B3GALT1: variants seen among roughly 807,000 people sequenced by gnomAD.
B3GALT1 encodes the protein UDP-Gal:betaGlcNAc beta 1,3-galactosyltransferase, polypeptide 1.
A neutral mutation model predicts 23.2 loss-of-function variants in B3GALT1; 10 were observed. The ratio of observed to expected loss-of-function variants is 0.43; its 90% confidence interval spans 0.27 to 0.73. The LOEUF (loss-of-function observed/expected upper bound fraction) is 0.73, where lower values mean the gene tolerates loss of function less well. Ranked by LOEUF, B3GALT1 falls within the 30% of genes least tolerant of loss-of-function variation. The pLI is 0.21. For missense variants in B3GALT1, 299 were observed against 405.4 expected, an observed-to-expected ratio of 0.74 and a Z score of 2.25; for synonymous variants, 156 against 141.5, an observed-to-expected ratio of 1.10 and a Z score of -0.73.
intron 3 of B3GALT1, among the ~76,000 whole-genome samples, chr2:167,750,546 G>T (rs1687718680): frequency 6.6e-6 from 1 of 151,964 alleles, no homozygotes; most frequent in Non-Finnish European, 1.5e-5. Flanking sequence ...TTGAAAATGG[G>T]TTTCATCCTT....
At chr2:167,644,803 A>T (rs1215325766) in intron 2 of B3GALT1, among the ~76,000 whole-genome samples, 1 of 145,262 alleles carries the variant, frequency 6.9e-6, no homozygotes, top group Non-Finnish European at 1.5e-5. Flanking sequence ...AAAAAAAAAA[A>T]AGAATTTACT....
At chr2:167,668,904 G>A (rs557732403) in intron 3 of B3GALT1, among the ~76,000 whole-genome samples, 12 of 152,290 alleles carry the variant, frequency 7.9e-5, no homozygotes, top group South Asian at 2.1e-4. Context: ...GAGATCACCC[G>A]TCTTCTGCGT....
chr2:167,820,913 G>T (rs1357855266), intron 4 of B3GALT1, among the ~76,000 whole-genome samples: 1 of 152,212 alleles, frequency 6.6e-6, no homozygotes. Context: ...CTTTAAGACA[G>T]ATTAAGTAGC....
intron 2 of B3GALT1, among the ~76,000 whole-genome samples, chr2:167,517,612 C>T (rs1258384236): frequency 1.3e-5 from 2 of 151,994 alleles, no homozygotes; most frequent in Non-Finnish European, 2.9e-5. Context: ...CCAGAAACAA[C>T]CCATGAATTG....
chr2:167,742,240 A>T (rs1186577688), intron 3 of B3GALT1, among the ~76,000 whole-genome samples: 1 of 152,178 alleles, frequency 6.6e-6, no homozygotes, highest in Non-Finnish European at 1.5e-5. Context: ...TTGTAGTATG[A>T]GAGACAGTTG....
At chr2:167,682,042 C>T (rs1686539366) in intron 3 of B3GALT1, among the ~76,000 whole-genome samples, 1 of 152,060 alleles carries the variant, frequency 6.6e-6, no homozygotes, top group African/African-American at 2.4e-5. Context: ...TTGCTCCTTG[C>T]CTTTCCCACC....
chr2:167,703,499 A>AGTT (rs140217835), intron 3 of B3GALT1, among the ~76,000 whole-genome samples: 1 of 73,414 alleles, frequency 1.4e-5, no homozygotes, highest in Non-Finnish European at 2.7e-5. Context: ...GAAGGATTAA[A>AGTT]ATTAAGGTTA....
chr2:167,462,051 C>T (rs923327807), intron 1 of B3GALT1, among the ~76,000 whole-genome samples: 5 of 152,042 alleles, frequency 3.3e-5, no homozygotes, highest in African/African-American at 7.2e-5. Context: ...GTGTCATCAC[C>T]GAAGGAGAAT....
At chr2:167,573,397 A>G (rs115219356) in intron 2 of B3GALT1, among the ~76,000 whole-genome samples, 128 of 151,896 alleles carry the variant, frequency 8.4e-4, no homozygotes, top group Admixed American at 1.4e-3. Context: ...AATGTGATTA[A>G]TTGCCACTCA....
chr2:167,356,441 A>G (rs1405819179), intron 1 of B3GALT1, among the ~76,000 whole-genome samples: 1 of 152,132 alleles, frequency 6.6e-6, no homozygotes, highest in Non-Finnish European at 1.5e-5. Context: ...TAGTAGACAA[A>G]AGTGTATAAA....
intron 2 of B3GALT1, among the ~76,000 whole-genome samples, chr2:167,578,679 T>C (rs778995409): frequency 6.9e-4 from 105 of 152,046 alleles, no homozygotes; most frequent in Non-Finnish European, 8.7e-4. Flanking sequence ...TGTCTTAAAA[T>C]CATAACAGAT....
intron 1 of B3GALT1, among the ~76,000 whole-genome samples, chr2:167,471,129 AAGG>A (rs1418007074): frequency 6.6e-6 from 1 of 152,208 alleles, no homozygotes; most frequent in African/African-American, 2.4e-5. Context: ...TCAACAAAAT[AAGG>A]AGACCTTTTC....
At chr2:167,814,212 T>C (rs2105356151) in intron 3 of B3GALT1, among the ~76,000 whole-genome samples, 1 of 152,354 alleles carries the variant, frequency 6.6e-6, no homozygotes, top group African/African-American at 2.4e-5. Flanking sequence ...ACTTCTTTGA[T>C]AACTCTGTCA....
intron 1 of B3GALT1, among the ~76,000 whole-genome samples, chr2:167,465,558 G>T (rs1427910973): frequency 2.6e-5 from 4 of 152,140 alleles, no homozygotes; most frequent in South Asian, 4.2e-4. Flanking sequence ...TGTTAATAAG[G>T]TTATAATTTC....
intron 4 of B3GALT1, among the ~76,000 whole-genome samples, chr2:167,836,739 G>A (rs867936886): frequency 2.0e-5 from 3 of 152,178 alleles, no homozygotes; most frequent in Non-Finnish European, 2.9e-5. Context: ...ATTCACCAGA[G>A]TTGAAATGAA....
chr2:167,482,655 C>T (rs987778118), intron 1 of B3GALT1, among the ~76,000 whole-genome samples: 1 of 152,174 alleles, frequency 6.6e-6, no homozygotes, highest in Non-Finnish European at 1.5e-5. Context: ...ACCTGACCAA[C>T]ACAGTGAAAC....
At chr2:167,481,695 A>G (rs1279138203) in intron 1 of B3GALT1, among the ~76,000 whole-genome samples, 1 of 152,234 alleles carries the variant, frequency 6.6e-6, no homozygotes, top group Non-Finnish European at 1.5e-5. Context: ...CCAAATGAAC[A>G]TCATTTTTCA....
intron 1 of B3GALT1, among the ~76,000 whole-genome samples, chr2:167,487,855 A>G (rs17622284): frequency 0.012 from 1,860 of 152,260 alleles, 17 homozygotes; most frequent in Middle Eastern, 0.02. Context: ...TATCGTGAGT[A>G]TGCATAATGC....
intron 1 of B3GALT1, among the ~76,000 whole-genome samples, chr2:167,325,702 C>CTTTTTTTTTTTT (rs61066636): frequency 7.2e-5 from 8 of 110,562 alleles, no homozygotes; most frequent in African/African-American, 6.6e-5. Context: ...ACCCTGTTTT[C>CTTTTTTTTTTTT]TTTTTTTTTT....
Sources: allele counts gnomAD v4.1 joint callset (sites outside exome capture counted in the v4.1 genomes callset), GRCh38; gene constraint gnomAD v4.1.1; transcripts MANE v1.5; gene names NCBI Gene and HGNC (gene_info 2026-07-23, HGNC 2026-07-21).